GLYR1: variants seen among roughly 807,000 people sequenced by gnomAD.
The protein encoded by GLYR1 is cytokine-like nuclear factor N-PAC.
In GLYR1, 21 loss-of-function variants were observed where a neutral mutation model predicts 72.7. The observed-to-expected ratio is 0.29, with a 90% CI of 0.20 to 0.42. GLYR1 has a LOEUF of 0.42. Ranked by LOEUF, GLYR1 falls within the 10% of genes least tolerant of loss-of-function variation. GLYR1 has a pLI of 1.00. For missense variants in GLYR1, 594 were observed against 712.1 expected, an observed-to-expected ratio of 0.83 and a Z score of 1.89; for synonymous variants, 392 against 270.2, an observed-to-expected ratio of 1.45 and a Z score of -4.42.
chr16:4,841,860 G>A (rs1194158155), intron 3 of GLYR1, among the ~76,000 whole-genome samples: 1 of 152,128 alleles, frequency 6.6e-6, no homozygotes, highest in Non-Finnish European at 1.5e-5. Flanking sequence ...CCAGCTTAAT[G>A]CCAATTGTTC....
intron 14 of GLYR1, 110 bp from the exon 15 acceptor site, chr16:4,811,404 T>TAGCCAAGAGGCCTAGGCTATGTGGAACTG: frequency 6.8e-7 from 1 of 1,464,172 alleles, no homozygotes; most frequent in Non-Finnish European, 9.3e-7. Context: ...CAGTTCCACA[T>TAGCCAAGAGGCCTAGGCTATGTGGAACTG]AGCCTAGGCC....
intron 15 of GLYR1, among the ~76,000 whole-genome samples, chr16:4,809,880 C>A (rs187397260): frequency 8.8e-4 from 133 of 151,426 alleles, no homozygotes; most frequent in African/African-American, 3.2e-3. Context: ...GCCGAGATCG[C>A]GACACTGCAC....
At chr16:4,807,166 C>T (rs1226590219) in intron 15 of GLYR1, among the ~76,000 whole-genome samples, 41 of 141,274 alleles carry the variant, frequency 2.9e-4, no homozygotes, top group African/African-American at 1.1e-3. Context: ...GGCTGGAGTG[C>T]AATGGCACGA....
intron 3 of GLYR1, among the ~76,000 whole-genome samples, chr16:4,834,144 G>A (rs995530273): frequency 1.3e-5 from 2 of 152,166 alleles, no homozygotes; most frequent in African/African-American, 4.8e-5. Flanking sequence ...AATGGGGTCT[G>A]TGCAAAAACA....
rs2086190490 is a variant in GLYR1, at chr16:4,847,064, C to T, written c.38+164G>A. 4 of 665,220 alleles carry T rather than the reference C, an allele frequency of 6.0e-6. No homozygotes were observed. The East Asian group carries it at 8.6e-5, about 14-fold the overall frequency. 41.2% of individuals were successfully genotyped at this position (665,220 alleles called of 1,614,324 possible). On this transcript the variant is annotated intron_variant, in intron 1 of 15. Coordinates refer to ENST00000321919, the MANE Select transcript of GLYR1 (RefSeq NM_032569.4). The stretch of plus-strand genomic sequence containing the variant: ...TCGGCCTCGGTCCCCCGGGACTGGA[C>T]TGCCCCTTCCGCCTGGCGCCGCTCG...
Position 4,831,969 on chromosome 16 carries a change from G to A in GLYR1, c.537+10C>T, listed in dbSNP as rs371197179. 11 of 1,611,034 alleles carry A rather than the reference G, an allele frequency of 6.8e-6. No individual in the cohort carries two copies. In the African/African-American group the frequency reaches 1.5e-4, roughly 22 times the overall value. On this transcript the variant is annotated intron_variant, in intron 5 of 15. Transcript: ENST00000321919. ...TCACTAATCCCGGAAGCTGCAGAGA[G>A]AAAACAAACCTTCTCATCCTTTGGG... is the stretch of plus-strand genomic sequence containing the variant.
At chr16:4,806,795 ATTCTTTT>A (rs2083006669) in intron 15 of GLYR1, among the ~76,000 whole-genome samples, 1 of 151,182 alleles carries the variant, frequency 6.6e-6, no homozygotes, top group South Asian at 2.1e-4. Flanking sequence ...TGAAACTGGA[ATTCTTTT>A]TTCTTTTTTT....
intron 5 of GLYR1, among the ~76,000 whole-genome samples, chr16:4,827,856 C>A (rs936644169): frequency 6.6e-6 from 1 of 151,636 alleles, no homozygotes; most frequent in Non-Finnish European, 1.5e-5. Context: ...GCCGAGATTG[C>A]GCCACTGCAC....
intron 5 of GLYR1, among the ~76,000 whole-genome samples, chr16:4,824,449 G>A (rs897663777): frequency 1.4e-5 from 2 of 143,032 alleles, no homozygotes; most frequent in East Asian, 2.1e-4. Flanking sequence ...GCAGTGAGCC[G>A]AGATTGCACC....
intron 3 of GLYR1, among the ~76,000 whole-genome samples, chr16:4,835,597 G>A (rs1215610146): frequency 6.6e-6 from 1 of 152,168 alleles, no homozygotes; most frequent in African/African-American, 2.4e-5. Context: ...TTGGGAGGCC[G>A]AGGCAGGCAG....
rs2082860197 is a variant in GLYR1 at position 4,804,504 on chromosome 16, C to G, written c.*732G>C. ...GGGCATGGCTTCGAGGCGGTGAGGGCCGGGCCTCCATGCTCACCTGCAGGC... is the reference window on the plus strand; with the variant it reads ...GGGCATGGCTTCGAGGCGGTGAGGGGCGGGCCTCCATGCTCACCTGCAGGC... On this transcript the variant is annotated 3_prime_UTR_variant, in exon 16 of 16. Transcript: ENST00000321919. 1 of 153,008 alleles carries G rather than the reference C, an allele frequency of 6.5e-6. No homozygotes were observed. The highest frequency in any genetic ancestry group is 2.4e-5 in the African/African-American group (1 of 41,472). 9.5% of individuals were successfully genotyped at this position (153,008 alleles called of 1,614,324 possible).
chr16:4,827,867 C>T (rs1045984243), intron 5 of GLYR1, among the ~76,000 whole-genome samples: 5 of 151,566 alleles, frequency 3.3e-5, no homozygotes, highest in Admixed American at 1.3e-4. Flanking sequence ...GCCACTGCAC[C>T]GCAGCCTGGG....
intron 11 of GLYR1, 33 bp from the exon 12 acceptor site, chr16:4,813,871 G>A (rs756064320): frequency 2.1e-5 from 33 of 1,551,614 alleles, no homozygotes; most frequent in Non-Finnish European, 2.6e-5. Context: ...CAATAGCCCA[G>A]GCTCCCGGGC....
At chr16:4,817,930 T>G (rs2083753595) in intron 9 of GLYR1, 1 of 492,848 alleles carries the variant, frequency 2.0e-6, no homozygotes, top group South Asian at 2.4e-5. Flanking sequence ...TTGAAACCCC[T>G]GACTGTCACA....
At chr16:4,815,349 T>C (rs77226357) in intron 10 of GLYR1, among the ~76,000 whole-genome samples, 3,449 of 152,246 alleles carry the variant, frequency 0.023, 132 homozygotes, top group African/African-American at 0.079. Flanking sequence ...AGACTTTTAA[T>C]GTTGTTTATG....
At chr16:4,840,871 T>C (rs963507471) in intron 3 of GLYR1, among the ~76,000 whole-genome samples, 17 of 152,206 alleles carry the variant, frequency 1.1e-4, no homozygotes, top group African/African-American at 3.4e-4. Flanking sequence ...CTTACCTTCA[T>C]AGAAAAACAC....
chr16:4,835,334 G>A (rs1338953748), intron 3 of GLYR1, among the ~76,000 whole-genome samples: 1 of 152,166 alleles, frequency 6.6e-6, no homozygotes, highest in Non-Finnish European at 1.5e-5. Flanking sequence ...ATTTCTGCTA[G>A]AAGGAACTGT....
intron 5 of GLYR1, among the ~76,000 whole-genome samples, chr16:4,826,818 G>A (rs932349385): frequency 1.1e-4 from 17 of 152,202 alleles, no homozygotes; most frequent in Middle Eastern, 3.4e-3. Context: ...AATTGTGGCT[G>A]GGGCAGCACA....
chr16:4,839,140 G>C (rs1230343259), intron 3 of GLYR1: 1 of 153,028 alleles, frequency 6.5e-6, no homozygotes, highest in Admixed American at 6.5e-5. Context: ...GAAAGGGCGG[G>C]GAGAAGATGG....
Sources: gnomAD v4.1 joint callset for allele counts (sites outside exome capture counted in the v4.1 genomes callset) on GRCh38, gnomAD v4.1.1 for gene constraint, MANE v1.5 for transcripts, NCBI Gene and HGNC (gene_info 2026-07-23, HGNC 2026-07-21) for gene names.